NHS: variants seen among roughly 807,000 people sequenced by gnomAD.
The protein encoded by NHS is NHS actin remodeling regulator, also known as actin remodeling regulator NHS.
In NHS, 5 loss-of-function variants were observed where a neutral mutation model predicts 72.5. That is an observed-to-expected ratio of 0.07 (90% CI 0.04 to 0.14). NHS has a LOEUF of 0.14. Among genes scored for constraint, NHS ranks in the 10% least tolerant of loss-of-function variants. The pLI is 1.00. For synonymous variants in NHS, 464 were observed against 547.7 expected, an observed-to-expected ratio of 0.85 and a Z score of 2.13; for missense variants, 1,072 against 1,355.7, an observed-to-expected ratio of 0.79 and a Z score of 3.29.
At chrX:17,621,001 G>C (rs1485290299) in intron 1 of NHS, among the ~76,000 whole-genome samples, 1 of 112,021 alleles carries the variant, frequency 8.9e-6, no homozygotes, top group Non-Finnish European at 1.9e-5. Flanking sequence ...AGCCATGAGA[G>C]AGATTTTAAG....
intron 1 of NHS, among the ~76,000 whole-genome samples, chrX:17,519,362 G>T (rs2065136276): frequency 8.9e-6 from 1 of 112,269 alleles, no homozygotes; most frequent in Non-Finnish European, 1.9e-5. Context: ...GGCTTATTTT[G>T]GGGGAAGTGT....
chrX:17,465,926 C>G (rs1205560842), intron 1 of NHS, among the ~76,000 whole-genome samples: 1 of 112,857 alleles, frequency 8.9e-6, no homozygotes. Context: ...TCTATTCTTT[C>G]CTCTATGGCC....
intron 1 of NHS, among the ~76,000 whole-genome samples, chrX:17,575,696 T>C (rs1259413207): frequency 3.6e-5 from 4 of 112,638 alleles, no homozygotes; most frequent in Non-Finnish European, 7.5e-5. Flanking sequence ...CATGTCTACA[T>C]TGTTTGCTGT....
chrX:17,688,807 C>T (rs1054579873), intron 2 of NHS, among the ~76,000 whole-genome samples: 2 of 112,111 alleles, frequency 1.8e-5, no homozygotes, highest in Non-Finnish European at 3.8e-5. Flanking sequence ...AATAGGAATA[C>T]AGTTTTTTCT....
intron 1 of NHS, among the ~76,000 whole-genome samples, chrX:17,377,972 T>A (rs955256842): frequency 8.9e-6 from 1 of 111,979 alleles, no homozygotes; most frequent in Non-Finnish European, 1.9e-5. Context: ...CGCAGGTATC[T>A]GGGGAGTGCG....
intron 1 of NHS, among the ~76,000 whole-genome samples, chrX:17,645,143 C>T (rs1386487037): frequency 1.8e-5 from 2 of 112,082 alleles, no homozygotes; most frequent in African/African-American, 6.5e-5. Flanking sequence ...CAATCTACTA[C>T]TCTTTCTCTA....
chrX:17,414,805 T>G (rs1361278349), intron 1 of NHS, among the ~76,000 whole-genome samples: 1 of 111,783 alleles, frequency 8.9e-6, no homozygotes, highest in Non-Finnish European at 1.9e-5. Flanking sequence ...AATTCTACTT[T>G]AGGATAGGCA....
intron 1 of NHS, among the ~76,000 whole-genome samples, chrX:17,546,063 G>A (rs1410214432): frequency 8.9e-6 from 1 of 112,109 alleles, no homozygotes; most frequent in Admixed American, 9.4e-5. Context: ...TTAATACCCT[G>A]CAGAGCTGAG....
At chrX:17,404,515 A>C (rs1274048248) in intron 1 of NHS, among the ~76,000 whole-genome samples, 1 of 111,644 alleles carries the variant, frequency 9.0e-6, no homozygotes, top group Non-Finnish European at 1.9e-5. Flanking sequence ...CTTGCAAGGT[A>C]CAATTCCTAG....
At chrX:17,624,865 A>AT (rs2065790226) in intron 1 of NHS, among the ~76,000 whole-genome samples, 1 of 112,401 alleles carries the variant, frequency 8.9e-6, no homozygotes, top group African/African-American at 3.2e-5. Context: ...GGAAGAGATG[A>AT]TAACAGCATC....
chrX:17,728,723 G>C lies in NHS; in HGVS notation c.4297G>C (p.Val1433Leu). Residue 1433 changes from valine (V) to leucine (L), a missense_variant, in exon 8 of 9, where the codon GTG (valine) becomes CTG (leucine). Coordinates refer to ENST00000676302, the MANE Select transcript of NHS (RefSeq NM_001291867.2). ...CCAAGCTGAAGCAGAGGGTGTGTTC[G>C]TGTCTCCAAACAAACCTCGAACAAC... ...DSQAEAEGVF[V>L]SPNKPRTTED... 8.3e-7 allele frequency: 1 copy of C among 1,211,118 alleles called. No individual in the cohort carries two copies. Among genetic ancestry groups the C allele is most frequent in the Non-Finnish European group, 1.1e-6 (1 of 895,261 alleles).
At chrX:17,483,443 A>G (rs916949511) in intron 1 of NHS, among the ~76,000 whole-genome samples, 1 of 112,104 alleles carries the variant, frequency 8.9e-6, no homozygotes, top group African/African-American at 3.2e-5. Flanking sequence ...AAGTACTGCT[A>G]ATACCACCGT....
At chrX:17,470,932 A>AG (rs932671688) in intron 1 of NHS, among the ~76,000 whole-genome samples, 1 of 111,342 alleles carries the variant, frequency 9.0e-6, no homozygotes, top group African/African-American at 3.3e-5. Flanking sequence ...GTGGGATGGC[A>AG]GTGGGGGGGT....
At chrX:17,575,378 C>T (rs771102943) in intron 1 of NHS, among the ~76,000 whole-genome samples, 3 of 112,776 alleles carry the variant, frequency 2.7e-5, no homozygotes, top group East Asian at 5.6e-4. Context: ...AATACATCAC[C>T]AGTTTTTAAA....
At chrX:17,553,368 T>C (rs966354829) in intron 1 of NHS, among the ~76,000 whole-genome samples, 3 of 112,929 alleles carry the variant, frequency 2.7e-5, no homozygotes, top group African/African-American at 9.7e-5. Context: ...GTATCATTAC[T>C]GGACTTAATA....
At chrX:17,607,919 C>CTTTT (rs749347077) in intron 1 of NHS, among the ~76,000 whole-genome samples, 2 of 92,259 alleles carry the variant, frequency 2.2e-5, no homozygotes, top group African/African-American at 4.1e-5. Flanking sequence ...CTTTTCTTTT[C>CTTTT]TTTTTTTTTT....
At chrX:17,459,232 G>A (rs2064837585) in intron 1 of NHS, among the ~76,000 whole-genome samples, 1 of 112,511 alleles carries the variant, frequency 8.9e-6, no homozygotes, top group South Asian at 3.7e-4. Flanking sequence ...ACTGTGAGGA[G>A]GTGGAGTCGT....
At chrX:17,537,578 A>G (rs1156251973) in intron 1 of NHS, among the ~76,000 whole-genome samples, 1 of 112,467 alleles carries the variant, frequency 8.9e-6, no homozygotes, top group Non-Finnish European at 1.9e-5. Context: ...AAAAAAGAAA[A>G]GTATCAGGTC....
At chrX:17,446,407 G>C (rs2064780363) in intron 1 of NHS, among the ~76,000 whole-genome samples, 2 of 110,775 alleles carry the variant, frequency 1.8e-5, no homozygotes. Flanking sequence ...AAGTGAAAAT[G>C]GTTTGTTCCT....
Sources: allele counts gnomAD v4.1 joint callset (sites outside exome capture counted in the v4.1 genomes callset), GRCh38; gene constraint gnomAD v4.1.1; transcripts MANE v1.5; gene names NCBI Gene and HGNC (gene_info 2026-07-23, HGNC 2026-07-21).